The following GALR1 variants were observed in gnomAD, a reference collection of about 807,000 sequenced individuals.
GALR1 encodes galanin receptor type 1.
GALR1 carries 11 observed loss-of-function variants against 17.9 expected under a neutral mutation model. The observed-to-expected ratio is 0.62, with a 90% CI of 0.39 to 1.02. The LOEUF is 1.02. Among genes scored for constraint, GALR1 ranks in the 50% least tolerant of loss-of-function variants. The probability of loss-of-function intolerance (pLI) is 0.01; values close to 1 mark genes in which losing one functional copy is unlikely to be tolerated. For missense variants in GALR1, 441 were observed against 456.9 expected, an observed-to-expected ratio of 0.97 and a Z score of 0.32; for synonymous variants, 206 against 205.7, an observed-to-expected ratio of 1.00 and a Z score of -0.01.
rs1306989827 is a variant in GALR1 at position 77,272,149 on chromosome 18, C to A, written c.*3247C>A. ...CAGATTTCCTCTCGATAATATTTAC[C>A]ACAGATAAATTCATCTTTCAGCGCA... On this transcript the variant is annotated 3_prime_UTR_variant, in exon 3 of 3. Transcript: ENST00000299727. 1 of 152,084 alleles carries A rather than the reference C, an allele frequency of 6.6e-6. No individual in the cohort carries two copies. The highest frequency in any genetic ancestry group is 6.5e-5 in the Admixed American group (1 of 15,272). The allele number at this position is 152,084 out of a possible 1,614,324, so 9.4% of individuals were successfully genotyped here.
At chr18:77,265,361 G>C (rs1912922459) in intron 2 of GALR1, among the ~76,000 whole-genome samples, 1 of 152,206 alleles carries the variant, frequency 6.6e-6, no homozygotes, top group Admixed American at 6.5e-5. Context: ...GGGCTCCCAT[G>C]GCCTTGGGTA....
rs376959907 is a variant in GALR1 at position 77,275,302 on chromosome 18, G to A, written c.*6400G>A. The A allele has an allele frequency of 3.1e-3, 477 of 152,440 alleles. 2 individuals are homozygous for A. Among genetic ancestry groups the A allele is most frequent in the Non-Finnish European group, 5.2e-3 (353 of 68,144 alleles). The allele number at this position is 152,440 out of a possible 1,614,324, so 9.4% of individuals were successfully genotyped here. A position where few individuals can be genotyped will look rare whatever the true frequency, so the allele number is the denominator to read the frequency against. ...ATTCCAATGCTGGGTCTTGACTCCC[G>A]CTGCAGGGAGCTCTCTGGGCCCGGG... is the stretch of plus-strand genomic sequence containing the variant. On this transcript the variant is annotated 3_prime_UTR_variant, in exon 3 of 3. Coordinates refer to ENST00000299727, the MANE Select transcript of GALR1 (RefSeq NM_001480.4).
intron 2 of GALR1, among the ~76,000 whole-genome samples, chr18:77,262,734 G>A (rs921080393): frequency 1.3e-5 from 2 of 152,106 alleles, no homozygotes; most frequent in African/African-American, 4.8e-5. Flanking sequence ...AACTCTTTTG[G>A]GAACAATCTG....
intron 1 of GALR1, 54 bp downstream of exon 1, chr18:77,251,268 G>T: frequency 1.3e-6 from 2 of 1,540,490 alleles, no homozygotes; most frequent in Non-Finnish European, 1.8e-6. Context: ...GGGCCGGTGG[G>T]GGCCCTGGGG....
chr18:77,254,122 G>C (rs899526228), intron 1 of GALR1: 3 of 152,184 alleles, frequency 2.0e-5, no homozygotes, highest in Admixed American at 2.0e-4. Context: ...TAGCCAGCAG[G>C]ACCTGGGTTT....
rs777506870 is a variant in GALR1 at position 77,268,859 on chromosome 18, G to C, written c.1007G>C (p.Ser336Thr). The change falls in exon 3 of 3, where the codon AGT (serine) becomes ACT (threonine). Residue 336 changes from serine to threonine, a missense_variant. Ser to Thr is a moderately conservative substitution (Grantham distance 58). Transcript: ENST00000299727. ...SHLSDTKESKSRIDTPPSTNC... is the reference protein window; with the variant it reads ...SHLSDTKESKTRIDTPPSTNC... ...CTGAGTGATACTAAAGAAAGTAAAA[G>C]TCGAATAGACACCCCACCATCAACC... 1 of 1,613,526 alleles carries C rather than the reference G, an allele frequency of 6.2e-7. No individual in the cohort carries two copies. The highest frequency in any genetic ancestry group is 8.5e-7 in the Non-Finnish European group (1 of 1,179,544).
chr18:77,267,276 C>T (rs149020477), intron 2 of GALR1, among the ~76,000 whole-genome samples: 16 of 152,268 alleles, frequency 1.1e-4, no homozygotes, highest in African/African-American at 3.9e-4. Context: ...GGAAGTGTGG[C>T]TTTTGATGAC....
In GALR1 at chr18:77,250,500, C is replaced by T. The variant is rs1912373748; in HGVS notation, c.-49C>T. 1.4e-6 allele frequency: 2 copies of T among 1,423,694 alleles called. No homozygotes were observed. The highest frequency in any genetic ancestry group is 1.5e-5 in the South Asian group (1 of 65,334). 88.2% of individuals were successfully genotyped at this position (1,423,694 alleles called of 1,614,324 possible). Reference sequence around the variant, plus strand: ...GCCACCCCCGGCGCCTACTATCCCGCCCTCCCTCCCCGCGCGCCCCGCCGC... The same window carrying T: ...GCCACCCCCGGCGCCTACTATCCCGTCCTCCCTCCCCGCGCGCCCCGCCGC... On this transcript the variant is annotated 5_prime_UTR_variant, in exon 1 of 3. Coordinates refer to ENST00000299727, the MANE Select transcript of GALR1 (RefSeq NM_001480.4).
At chr18:77,258,942 A>G (rs1386307931) in intron 2 of GALR1, among the ~76,000 whole-genome samples, 735 of 110,154 alleles carry the variant, frequency 6.7e-3, no homozygotes, top group Middle Eastern at 0.013. Context: ...GGTGGTGATG[A>G]TGGTGGTCAT....
chr18:77,251,458 C>T (rs1165934948), intron 1 of GALR1, among the ~76,000 whole-genome samples: 4 of 152,238 alleles, frequency 2.6e-5, no homozygotes, highest in Non-Finnish European at 5.9e-5. Flanking sequence ...GTTTGCAGTT[C>T]ACTTCGCATG....
At position 77,267,606 on chromosome 18, in the gene GALR1, G is replaced by A. The variant is rs994475272; in HGVS notation, c.733-979G>A. On this transcript the variant is annotated intron_variant, in intron 2 of 2. Transcript: ENST00000299727. The stretch of plus-strand genomic sequence containing the variant: ...TTAGAGAACCATCTGTTTGAGGAGA[G>A]AACCAACTGATTGGTTTGTATTTTA... 3.3e-5 allele frequency among the ~76,000 whole-genome samples: 5 copies of A among 152,350 alleles called. No homozygotes were observed. The South Asian group carries it at 6.2e-4, about 19-fold the overall frequency.
chr18:77,274,330 A>G lies in GALR1; in HGVS notation c.*5428A>G. On this transcript the variant is annotated 3_prime_UTR_variant, in exon 3 of 3. Coordinates refer to ENST00000299727, the MANE Select transcript of GALR1 (RefSeq NM_001480.4). ...TGAGCATCAAAGTAGGCAGACATCC[A>G]AAAGCCAAGTGAAGGGCAGATAGAT... 6.6e-6 allele frequency: 1 copy of G among 152,422 alleles called. No individual in the cohort carries two copies. The highest frequency in any genetic ancestry group is 1.5e-5 in the Non-Finnish European group (1 of 68,146). 9.4% of individuals were successfully genotyped at this position (152,422 alleles called of 1,614,324 possible).
intron 2 of GALR1, among the ~76,000 whole-genome samples, chr18:77,261,072 T>C (rs1269841508): frequency 6.6e-6 from 1 of 152,146 alleles, no homozygotes; most frequent in African/African-American, 2.4e-5. Flanking sequence ...TTAGACATAT[T>C]GTGAGTAAAA....
intron 1 of GALR1, 151 bp downstream of exon 1, chr18:77,251,365 CAG>C: frequency 1.6e-6 from 2 of 1,239,814 alleles, no homozygotes; most frequent in African/African-American, 1.5e-5. Context: ...CGGATCTGTG[CAG>C]AGAGGCTTCC....
chr18:77,258,854 ATGGTG>A (rs1912702417), intron 2 of GALR1, among the ~76,000 whole-genome samples: 1 of 50,314 alleles, frequency 2.0e-5, no homozygotes, highest in African/African-American at 9.0e-5. Flanking sequence ...GGTGGTGGTG[ATGGTG>A]GTGGTGATGG....
At chr18:77,267,775 C>A (rs543576001) in intron 2 of GALR1, among the ~76,000 whole-genome samples, 35 of 152,280 alleles carry the variant, frequency 2.3e-4, no homozygotes, top group African/African-American at 8.2e-4. Flanking sequence ...GTGGAACAGA[C>A]GAGGTTGCCC....
chr18:77,255,861 G>C (rs899647100), intron 1 of GALR1, among the ~76,000 whole-genome samples: 8 of 152,164 alleles, frequency 5.3e-5, no homozygotes, highest in Non-Finnish European at 1.5e-5. Context: ...TCATGGCATG[G>C]CTGTTTCTGG....
intron 2 of GALR1, among the ~76,000 whole-genome samples, chr18:77,263,922 G>A (rs1912886987): frequency 6.6e-6 from 1 of 151,982 alleles, no homozygotes; most frequent in African/African-American, 2.4e-5. Context: ...AGATCATGAG[G>A]TCAGGAGTTT....
intron 2 of GALR1, among the ~76,000 whole-genome samples, chr18:77,263,876 C>T (rs1912885854): frequency 6.6e-6 from 1 of 152,090 alleles, no homozygotes; most frequent in African/African-American, 2.4e-5. Flanking sequence ...GTGGCTCATG[C>T]CTGTAATCCC....
Sources: allele counts gnomAD v4.1 joint callset (sites outside exome capture counted in the v4.1 genomes callset), GRCh38; gene constraint gnomAD v4.1.1; transcripts MANE v1.5; gene names NCBI Gene and HGNC (gene_info 2026-07-23, HGNC 2026-07-21).